The following TMED3 variants were observed in gnomAD, a reference collection of about 807,000 sequenced individuals.
TMED3 encodes transmembrane emp24 domain-containing protein 3.
A neutral mutation model predicts 15.0 loss-of-function variants in TMED3; 9 were observed. That is an observed-to-expected ratio of 0.60 (90% CI 0.36 to 1.04). The LOEUF (loss-of-function observed/expected upper bound fraction) is 1.04, where lower values mean the gene tolerates loss of function less well. Among genes scored for constraint, TMED3 ranks in the 50% least tolerant of loss-of-function variants. TMED3 has a pLI of 0.01. For missense variants in TMED3, 267 were observed against 278.9 expected, an observed-to-expected ratio of 0.96 and a Z score of 0.30; for synonymous variants, 117 against 121.4, an observed-to-expected ratio of 0.96 and a Z score of 0.24.
At chr15:79,343,132 G>A (rs116732718) in intron 2 of TMED3, among the ~76,000 whole-genome samples, 2,231 of 152,210 alleles carry the variant, frequency 0.015, 45 homozygotes, top group African/African-American at 0.051. Flanking sequence ...TGAGAAAGGG[G>A]TATAGTGGTT....
chr15:79,328,393 A>G (rs1183089845), intron 2 of TMED3, among the ~76,000 whole-genome samples: 6 of 152,264 alleles, frequency 3.9e-5, no homozygotes, highest in Admixed American at 3.9e-4. Context: ...CTTTCAGGCA[A>G]TTAAAATATT....
At chr15:79,316,653 C>G (rs1596049546) in intron 2 of TMED3, among the ~76,000 whole-genome samples, 1 of 152,034 alleles carries the variant, frequency 6.6e-6, no homozygotes, top group African/African-American at 2.4e-5. Flanking sequence ...GGGATGGTGC[C>G]AGAGGTGGGA....
intron 2 of TMED3, among the ~76,000 whole-genome samples, chr15:79,318,998 A>G (rs929473726): frequency 1.3e-5 from 2 of 152,226 alleles, no homozygotes; most frequent in Admixed American, 6.5e-5. Context: ...AAGAAGTCCA[A>G]TGCTGACTAC....
chr15:79,342,066 A>G (rs2058853715), intron 2 of TMED3, among the ~76,000 whole-genome samples: 1 of 152,256 alleles, frequency 6.6e-6, no homozygotes, highest in South Asian at 2.1e-4. Flanking sequence ...ATGGGGGCAG[A>G]TGAAAATTAT....
chr15:79,343,785 G>T (rs1464482206), intron 2 of TMED3, among the ~76,000 whole-genome samples: 1 of 152,224 alleles, frequency 6.6e-6, no homozygotes, highest in Non-Finnish European at 1.5e-5. Flanking sequence ...TGACAACTTT[G>T]TGAATTTGAA....
At chr15:79,360,553 T>C (rs1893103170) in intron 2 of TMED3, among the ~76,000 whole-genome samples, 1 of 152,248 alleles carries the variant, frequency 6.6e-6, no homozygotes, top group Admixed American at 6.5e-5. Flanking sequence ...TTTACTCATG[T>C]ATTCCTTACA....
At chr15:79,321,767 CTG>C (rs2058767796) in intron 2 of TMED3, among the ~76,000 whole-genome samples, 1 of 152,188 alleles carries the variant, frequency 6.6e-6, no homozygotes, top group South Asian at 2.1e-4. Flanking sequence ...CACATACTAA[CTG>C]TGTGACTCTG....
At chr15:79,381,144 G>C (rs901877881) in intron 2 of TMED3, among the ~76,000 whole-genome samples, 2 of 152,126 alleles carry the variant, frequency 1.3e-5, no homozygotes, top group Non-Finnish European at 2.9e-5. Context: ...CAAAATCTTA[G>C]CTTTTTAGTG....
intron 2 of TMED3, among the ~76,000 whole-genome samples, chr15:79,390,723 T>G (rs1239875021): frequency 6.6e-6 from 1 of 151,748 alleles, no homozygotes; most frequent in Non-Finnish European, 1.5e-5. Flanking sequence ...GTTTTGGACT[T>G]TTTTTTTAAT....
chr15:79,356,950 T>A (rs2058921652), intron 2 of TMED3, among the ~76,000 whole-genome samples: 2 of 152,134 alleles, frequency 1.3e-5, no homozygotes, highest in Non-Finnish European at 2.9e-5. Context: ...CATAGACAAG[T>A]GTGCTTGATC....
At chr15:79,388,035 A>G (rs972532168) in intron 2 of TMED3, among the ~76,000 whole-genome samples, 3 of 152,086 alleles carry the variant, frequency 2.0e-5, no homozygotes, top group African/African-American at 7.2e-5. Context: ...TAATATCTGA[A>G]AATATAGGAT....
chr15:79,366,379 A>G (rs1893234865), intron 2 of TMED3, among the ~76,000 whole-genome samples: 1 of 152,148 alleles, frequency 6.6e-6, no homozygotes, highest in African/African-American at 2.4e-5. Flanking sequence ...TTCTTTATCC[A>G]CAACTGCCTT....
intron 2 of TMED3, among the ~76,000 whole-genome samples, chr15:79,393,440 G>T (rs1893722586): frequency 6.6e-6 from 1 of 152,176 alleles, no homozygotes; most frequent in Non-Finnish European, 1.5e-5. Flanking sequence ...GAAAGACATT[G>T]TAGACACATG....
intron 2 of TMED3, among the ~76,000 whole-genome samples, chr15:79,359,465 T>G (rs1207084488): frequency 4.6e-5 from 7 of 152,024 alleles, no homozygotes; most frequent in Non-Finnish European, 8.8e-5. Flanking sequence ...TGACCTCAAG[T>G]GATCTGCCCA....
intron 2 of TMED3, among the ~76,000 whole-genome samples, chr15:79,377,670 C>T (rs1366824091): frequency 2.4e-5 from 3 of 122,580 alleles, no homozygotes; most frequent in African/African-American, 3.3e-5. Flanking sequence ...TTTTTTGAGA[C>T]GGAGTCTCGC....
intron 2 of TMED3, among the ~76,000 whole-genome samples, chr15:79,391,860 T>C (rs1893700019): frequency 6.6e-6 from 1 of 152,250 alleles, no homozygotes; most frequent in African/African-American, 2.4e-5. Context: ...TTTTAACTGC[T>C]GTTGCTTTAA....
intron 2 of TMED3, among the ~76,000 whole-genome samples, chr15:79,388,996 G>A (rs772320629): frequency 8.5e-5 from 13 of 152,048 alleles, no homozygotes; most frequent in Admixed American, 1.3e-4. Flanking sequence ...TTAGTCCTTC[G>A]TTAGATGTAT....
intron 2 of TMED3, among the ~76,000 whole-genome samples, chr15:79,376,618 AC>A (rs756613802): frequency 3.9e-5 from 6 of 152,196 alleles, no homozygotes; most frequent in Non-Finnish European, 8.8e-5. Context: ...TAGATGAAAA[AC>A]AACCCCTCCT....
At chr15:79,386,665 A>G (rs188994196) in intron 2 of TMED3, among the ~76,000 whole-genome samples, 1 of 150,142 alleles carries the variant, frequency 6.7e-6, no homozygotes, top group Non-Finnish European at 1.5e-5. Flanking sequence ...CAGCCTCCCG[A>G]GTAGCTGGGA....
Sources: gnomAD v4.1 joint callset for allele counts (sites outside exome capture counted in the v4.1 genomes callset) on GRCh38, gnomAD v4.1.1 for gene constraint, MANE v1.5 for transcripts, NCBI Gene and HGNC (gene_info 2026-07-23, HGNC 2026-07-21) for gene names.